The following LINS1 variants were observed in gnomAD, a reference collection of about 807,000 sequenced individuals.
The protein encoded by LINS1 is protein Lines homolog 1.
In LINS1, 27 loss-of-function variants were observed where a neutral mutation model predicts 41.6. That is an observed-to-expected ratio of 0.65 (90% CI 0.48 to 0.89). The LOEUF is 0.89. LINS1 is among the 40% of genes least tolerant of loss of function. The pLI is 0.00. For missense variants in LINS1, 955 were observed against 884.1 expected, an observed-to-expected ratio of 1.08 and a Z score of -1.02; for synonymous variants, 336 against 312.9, an observed-to-expected ratio of 1.07 and a Z score of -0.78.
At chr15:100,578,931 A>G (rs1285852361) in intron 3 of LINS1, among the ~76,000 whole-genome samples, 1 of 152,202 alleles carries the variant, frequency 6.6e-6, no homozygotes. Flanking sequence ...AAGAACAAAA[A>G]ACCAAACACC....
At chr15:100,579,940 C>A (rs182021160) in intron 3 of LINS1, among the ~76,000 whole-genome samples, 1 of 152,108 alleles carries the variant, frequency 6.6e-6, no homozygotes, top group Non-Finnish European at 1.5e-5. Flanking sequence ...ATCCTTGACA[C>A]AAATCATCAT....
intron 3 of LINS1, among the ~76,000 whole-genome samples, chr15:100,576,192 G>A (rs377235767): frequency 5.9e-5 from 9 of 151,942 alleles, no homozygotes; most frequent in Non-Finnish European, 8.8e-5. Flanking sequence ...AACTGAAGGA[G>A]ATAGAGACAC....
chr15:100,569,142 A>AT lies in LINS1; in HGVS notation c.*95_*96insA. On this transcript the variant is annotated 3_prime_UTR_variant, in exon 7 of 7. Transcript: ENST00000314742. ...TGTCTCAAAAAAAAAAAAAAAAAAG[A>AT]AAACCCTTTTATGGTGATGATTTTA... 7.5e-6 allele frequency: 6 copies of AT among 802,214 alleles called. No individual in the cohort carries two copies. Among genetic ancestry groups the AT allele is most frequent in the Non-Finnish European group, 1.2e-5 (6 of 505,810 alleles). 49.7% of individuals were successfully genotyped at this position (802,214 alleles called of 1,614,324 possible).
At chr15:100,578,107 G>C (rs1317301382) in intron 3 of LINS1, among the ~76,000 whole-genome samples, 3 of 152,104 alleles carry the variant, frequency 2.0e-5, no homozygotes, top group Non-Finnish European at 4.4e-5. Context: ...TCAGGACATA[G>C]GCATGGGCAA....
intron 3 of LINS1, among the ~76,000 whole-genome samples, chr15:100,579,977 T>C (rs1179925909): frequency 6.6e-6 from 1 of 152,224 alleles, no homozygotes; most frequent in Non-Finnish European, 1.5e-5. Context: ...TTTATGGCTT[T>C]ACATATGTTA....
chr15:100,600,795 G>A (rs1472841068), intron 1 of LINS1, among the ~76,000 whole-genome samples: 1 of 152,108 alleles, frequency 6.6e-6, no homozygotes, highest in Non-Finnish European at 1.5e-5. Context: ...CTTCTACTCT[G>A]GACAACTGCA....
In LINS1 at chr15:100,569,656, G is replaced by T; in HGVS notation, c.1856C>A (p.Ser619Tyr). 2 of 1,613,396 alleles carry T rather than the reference G, an allele frequency of 1.2e-6. No individual in the cohort carries two copies. Among genetic ancestry groups the T allele is most frequent in the Non-Finnish European group, 1.7e-6 (2 of 1,179,472 alleles). The change falls in exon 7 of 7, where the codon TCC (serine) becomes TAC (tyrosine). Residue 619 changes from serine (S) to tyrosine (Y), a missense_variant. By Grantham distance (144) the Ser-to-Tyr change is moderately radical (BLOSUM62 -2). Transcript: ENST00000314742. ...TACCAGACTTTGAGAGGCCCGGGGGGAAGACAGACTAGAAGCACACATGGT... is the reference window on the plus strand; with the variant it reads ...TACCAGACTTTGAGAGGCCCGGGGGTAAGACAGACTAGAAGCACACATGGT... ...AHTMCASSLS[S>Y]PRASQSLVDY...
At chr15:100,575,616 G>C (rs1314936996) in intron 3 of LINS1, among the ~76,000 whole-genome samples, 1 of 152,122 alleles carries the variant, frequency 6.6e-6, no homozygotes, top group Admixed American at 6.5e-5. Flanking sequence ...ACAGAACAAC[G>C]AGACAGAAAG....
In LINS1 at chr15:100,588,802, T is replaced by G. The variant is rs191922651; in HGVS notation, c.-103-7857A>C. On this transcript the variant is annotated intron_variant, in intron 1 of 6. Coordinates refer to ENST00000314742, the MANE Select transcript of LINS1 (RefSeq NM_001040616.3). The stretch of plus-strand genomic sequence containing the variant: ...TAACTGCTTGTTTAAAAGAGGGGTG[T>G]TTAGGACAAGTCAGAAAGTCCAAGC... Among the ~76,000 whole-genome samples the G allele has an allele frequency of 2.6e-3, 392 of 152,304 alleles. 5 individuals are homozygous for G. The highest frequency in any genetic ancestry group is 9.1e-3 in the African/African-American group (380 of 41,562).
chr15:100,578,959 G>A (rs2038358259), intron 3 of LINS1, among the ~76,000 whole-genome samples: 1 of 151,896 alleles, frequency 6.6e-6, no homozygotes, highest in South Asian at 2.1e-4. Flanking sequence ...CTCACTCATA[G>A]GTGGGAACTG....
At chr15:100,600,042 G>A (rs542568124) in intron 1 of LINS1, among the ~76,000 whole-genome samples, 19 of 152,220 alleles carry the variant, frequency 1.2e-4, no homozygotes, top group African/African-American at 4.6e-4. Flanking sequence ...CTCCAGCCTG[G>A]GCGACAGAGG....
intron 6 of LINS1, chr15:100,570,669 C>A (rs1003122911): frequency 2.0e-5 from 3 of 152,534 alleles, no homozygotes; most frequent in African/African-American, 4.8e-5. Flanking sequence ...AACTGTGAGA[C>A]AGAGAAAAAT....
At chr15:100,592,768 A>G (rs78398755) in intron 1 of LINS1, among the ~76,000 whole-genome samples, 3,577 of 152,306 alleles carry the variant, frequency 0.023, 128 homozygotes, top group African/African-American at 0.078. Flanking sequence ...AAATCAAAAA[A>G]TATTCATCTT....
At chr15:100,593,325 G>T (rs532377377) in intron 1 of LINS1, among the ~76,000 whole-genome samples, 1 of 152,076 alleles carries the variant, frequency 6.6e-6, no homozygotes, top group South Asian at 2.1e-4. Context: ...GTGGCCTAAG[G>T]GTTACCCATA....
chr15:100,575,177 A>C, intron 3 of LINS1, 49 bp from the exon 4 acceptor site: 5 of 1,487,830 alleles, frequency 3.4e-6, no homozygotes, highest in Non-Finnish European at 4.6e-6. Context: ...TATTTTCTTT[A>C]CATAATACAA....
At position 100,573,266 on chromosome 15, in the gene LINS1, G is replaced by C. The variant is rs896551679; in HGVS notation, c.1222+385C>G. On this transcript the variant is annotated intron_variant, in intron 5 of 6. Coordinates refer to ENST00000314742, the MANE Select transcript of LINS1 (RefSeq NM_001040616.3). ...ACAGGAGGAATAGCATGGGCCGAAG[G>C]GGGGTCAGGGCTGCAGTGGGCCATG... 5 of 565,914 alleles carry C rather than the reference G, an allele frequency of 8.8e-6. No individual in the cohort carries two copies. The Admixed American group carries it at 1.7e-4, about 19-fold the overall frequency. The allele number at this position is 565,914 out of a possible 1,614,324, so 35.1% of individuals were successfully genotyped here. A position where few individuals can be genotyped will look rare whatever the true frequency, so the allele number is the denominator to read the frequency against.
chr15:100,580,074 A>T (rs2038443231), intron 3 of LINS1, among the ~76,000 whole-genome samples, 189 bp downstream of exon 3: 1 of 152,180 alleles, frequency 6.6e-6, no homozygotes, highest in Non-Finnish European at 1.5e-5. Context: ...CTATAAGAGA[A>T]ACAGGTTAGG....
At chr15:100,576,482 C>G (rs376878384) in intron 3 of LINS1, 1 of 152,078 alleles carries the variant, frequency 6.6e-6, no homozygotes, top group Admixed American at 6.6e-5. Flanking sequence ...CAGGAAGAAG[C>G]TGAATCTCTT....
rs1477204200 is a variant in LINS1 at position 100,572,356 on chromosome 15, T to C, written c.1223-291A>G. 5 of 1,195,488 alleles carry C rather than the reference T, an allele frequency of 4.2e-6. No homozygotes were observed. The East Asian group carries it at 2.6e-4, about 63-fold the overall frequency. 74.1% of individuals were successfully genotyped at this position (1,195,488 alleles called of 1,614,324 possible). On this transcript the variant is annotated intron_variant, in intron 5 of 6. Transcript: ENST00000314742. Reference sequence around the variant, plus strand: ...TCTCTTAGAAATAAAAGTTATGTGATTTCTTGCTAAAAGCAGATAAATAAA... The same window carrying C: ...TCTCTTAGAAATAAAAGTTATGTGACTTCTTGCTAAAAGCAGATAAATAAA...
Sources: gnomAD v4.1 joint callset for allele counts (sites outside exome capture counted in the v4.1 genomes callset) on GRCh38, gnomAD v4.1.1 for gene constraint, MANE v1.5 for transcripts, NCBI Gene and HGNC (gene_info 2026-07-23, HGNC 2026-07-21) for gene names.